The following NFIB variants were observed in gnomAD, a reference collection of about 807,000 sequenced individuals.
NFIB encodes the protein nuclear factor 1 B-type.
A neutral mutation model predicts 61.5 loss-of-function variants in NFIB; 11 were observed. That is an observed-to-expected ratio of 0.18 (90% CI 0.11 to 0.30). The LOEUF is 0.30. NFIB is among the 10% of genes least tolerant of loss of function. The pLI is 1.00. For missense variants in NFIB, 471 were observed against 608.9 expected (o/e 0.77, Z 2.38); for synonymous variants, 260 against 216.5 (o/e 1.20, Z -1.76).
chr9:14,400,903 T>C (rs576254672), upstream of NFIB, among the ~76,000 whole-genome samples: 6 of 152,316 alleles, frequency 3.9e-5, no homozygotes, highest in South Asian at 1.2e-3. Flanking sequence ...GCAAAGGCCT[T>C]TCTGGTGAGC....
At chr9:14,409,344 C>T in the NFIB span, among the ~76,000 whole-genome samples, 1 of 152,152 alleles carries the variant, frequency 6.6e-6, no homozygotes, top group Non-Finnish European at 1.5e-5. Context: ...CAGGTGCAAG[C>T]CAGCCTCAGC....
intron 2 of NFIB, among the ~76,000 whole-genome samples, chr9:14,266,714 T>C (rs1391229290): frequency 6.6e-6 from 1 of 152,174 alleles, no homozygotes; most frequent in African/African-American, 2.4e-5. Flanking sequence ...GATGCAGTCA[T>C]CTTCCCCTCC....
chr9:14,180,997 A>G (rs140595915), intron 2 of NFIB, among the ~76,000 whole-genome samples: 31 of 152,312 alleles, frequency 2.0e-4, no homozygotes, highest in African/African-American at 7.2e-4. Context: ...ATTATACTTG[A>G]GCCAAGAAAG....
At chr9:14,390,512 C>A (rs966003571) in intron 1 of NFIB, among the ~76,000 whole-genome samples, 1 of 146,762 alleles carries the variant, frequency 6.8e-6, no homozygotes, top group Admixed American at 6.6e-5. Context: ...TCTCAACAGA[C>A]AAAGTTGTCA....
At chr9:14,504,912 T>G in the NFIB span, among the ~76,000 whole-genome samples, 1 of 152,210 alleles carries the variant, frequency 6.6e-6, no homozygotes, top group South Asian at 2.1e-4. Context: ...TGTGTTCCAG[T>G]TCTCAGGGGA....
intron 5 of NFIB, among the ~76,000 whole-genome samples, chr9:14,148,805 T>C (rs2042564319): frequency 1.3e-5 from 2 of 152,222 alleles, no homozygotes; most frequent in Admixed American, 1.3e-4. Context: ...ATGTAGAAGA[T>C]GGCAATTTCT....
In NFIB at chr9:14,150,243, T is replaced by A; in HGVS notation, c.708A>T (p.Gly236=). Residue 236 remains glycine (G), a synonymous_variant, in exon 5 of 11, where the codon GGA becomes GGT. Coordinates refer to ENST00000380953, the MANE Select transcript of NFIB (RefSeq NM_001190737.2). ...VSRTPITQGT[G]VNFPIGEIPS... ...GGATTTCTCCAATTGGGAAGTTGAC[T>A]CCAGTTCCCTGGGTTATGGGCGCTG... is the stretch of plus-strand genomic sequence containing the variant. The A allele has an allele frequency of 6.2e-7, 1 of 1,613,452 alleles. No individual in the cohort carries two copies. Among genetic ancestry groups the A allele is most frequent in the Non-Finnish European group, 8.5e-7 (1 of 1,179,516 alleles).
At chr9:14,513,376 TC>T in the NFIB span, among the ~76,000 whole-genome samples, 1 of 152,134 alleles carries the variant, frequency 6.6e-6, no homozygotes, top group Non-Finnish European at 1.5e-5. Flanking sequence ...ACGCCTGTAA[TC>T]CCAGCACTTT....
At chr9:14,171,700 A>C (rs558494558) in intron 3 of NFIB, among the ~76,000 whole-genome samples, 1 of 152,298 alleles carries the variant, frequency 6.6e-6, no homozygotes, top group South Asian at 2.1e-4. Context: ...AAAAGCAAAA[A>C]CAAAGAAAAC....
intron 1 of NFIB, among the ~76,000 whole-genome samples, chr9:14,334,863 C>T (rs766297299): frequency 6.6e-5 from 10 of 152,194 alleles, no homozygotes; most frequent in Non-Finnish European, 1.3e-4. Flanking sequence ...ACCTCCCTTA[C>T]AACCACTGAT....
the NFIB span, among the ~76,000 whole-genome samples, chr9:14,519,729 T>C: frequency 6.6e-6 from 1 of 152,174 alleles, no homozygotes; most frequent in Non-Finnish European, 1.5e-5. Context: ...CACAACAATC[T>C]TACTAAGCAG....
At chr9:14,350,666 C>T (rs2061097859) in intron 1 of NFIB, among the ~76,000 whole-genome samples, 1 of 152,054 alleles carries the variant, frequency 6.6e-6, no homozygotes, top group Non-Finnish European at 1.5e-5. Context: ...CCAGATGATT[C>T]AGAGATACAA....
chr9:14,505,131 G>A, the NFIB span, among the ~76,000 whole-genome samples: 1 of 152,110 alleles, frequency 6.6e-6, no homozygotes, highest in Non-Finnish European at 1.5e-5. Context: ...GGTGTATCAT[G>A]TTTATTGACT....
the NFIB span, among the ~76,000 whole-genome samples, chr9:14,510,025 T>C: frequency 6.6e-6 from 1 of 152,072 alleles, no homozygotes; most frequent in Non-Finnish European, 1.5e-5. Context: ...GCCTCCTGAG[T>C]AGCTGGGATA....
intron 1 of NFIB, among the ~76,000 whole-genome samples, chr9:14,333,498 A>T (rs1239651521): frequency 1.3e-5 from 2 of 151,818 alleles, no homozygotes; most frequent in East Asian, 3.9e-4. Context: ...AGGCCCCACA[A>T]CTCCCTAATG....
chr9:14,436,918 G>T, the NFIB span, among the ~76,000 whole-genome samples: 2 of 151,292 alleles, frequency 1.3e-5, no homozygotes, highest in African/African-American at 4.9e-5. Context: ...TATATGAGCT[G>T]GCACCCCGGA....
the NFIB span, among the ~76,000 whole-genome samples, chr9:14,470,786 G>C: frequency 6.6e-6 from 1 of 152,204 alleles, no homozygotes; most frequent in Non-Finnish European, 1.5e-5. Context: ...TGGACAAAGA[G>C]CCAGGGGAAC....
intron 3 of NFIB, among the ~76,000 whole-genome samples, chr9:14,158,123 A>AC (rs2043669078): frequency 6.6e-6 from 1 of 151,542 alleles, no homozygotes; most frequent in Admixed American, 6.6e-5. Flanking sequence ...AAAAAAAAAA[A>AC]AAACAAAACA....
intron 2 of NFIB, among the ~76,000 whole-genome samples, chr9:14,217,095 C>T (rs2131790387): frequency 6.6e-6 from 1 of 152,280 alleles, no homozygotes; most frequent in South Asian, 2.1e-4. Flanking sequence ...TGCCCCAAAA[C>T]CTTATTTTTG....
Sources: allele counts gnomAD v4.1 joint callset (sites outside exome capture counted in the v4.1 genomes callset), GRCh38; gene constraint gnomAD v4.1.1; transcripts MANE v1.5; gene names NCBI Gene and HGNC (gene_info 2026-07-23, HGNC 2026-07-21).